GON4L: variants seen among roughly 807,000 people sequenced by gnomAD.
The protein encoded by GON4L is GON-4-like protein.
Under a neutral mutation model 211.8 loss-of-function variants are expected in GON4L, and 87 were observed. The observed-to-expected ratio is 0.41, with a 90% CI of 0.35 to 0.49. The LOEUF is 0.49. GON4L is among the 20% of genes least tolerant of loss of function. GON4L has a pLI of 0.15. For synonymous variants in GON4L, 875 were observed against 962.6 expected (o/e 0.91, Z 1.68); for missense variants, 2,155 against 2,659.5 (o/e 0.81, Z 4.17).
chr1:155,794,438 TTC>T lies in GON4L; in HGVS notation c.1747+610_1747+611del, dbSNP rs1330697182. Among the ~76,000 whole-genome samples the T allele has an allele frequency of 6.6e-5, 10 of 152,264 alleles. No individual in the cohort carries two copies. In the East Asian group the frequency reaches 1.9e-3, roughly 29 times the overall value. On this transcript the variant is annotated intron_variant, in intron 12 of 31. Coordinates refer to ENST00000368331, the MANE Select transcript of GON4L (RefSeq NM_001282860.2). ...AACACTACCTAATCTTATCTACCACTTCTCTGTCTTTTCACTCATACACCACC... is the reference window on the plus strand; with the variant it reads ...AACACTACCTAATCTTATCTACCACTTCTGTCTTTTCACTCATACACCACC...
intron 14 of GON4L, among the ~76,000 whole-genome samples, 172 bp downstream of exon 14, chr1:155,783,814 C>T (rs2101899727): frequency 6.6e-6 from 1 of 152,306 alleles, no homozygotes; most frequent in East Asian, 1.9e-4. Flanking sequence ...AGCTGCACTG[C>T]CCCATAACAA....
intron 6 of GON4L, among the ~76,000 whole-genome samples, chr1:155,818,857 G>A (rs567771031): frequency 2.8e-4 from 42 of 151,832 alleles, no homozygotes; most frequent in African/African-American, 9.7e-4. Context: ...AATTAGATGC[G>A]TGTGGTGGTG....
At chr1:155,808,868 T>C (rs1267383756) in intron 10 of GON4L, among the ~76,000 whole-genome samples, 1 of 152,092 alleles carries the variant, frequency 6.6e-6, no homozygotes, top group Non-Finnish European at 1.5e-5. Flanking sequence ...CTCCTTGGCC[T>C]CCTAAAGTGT....
At chr1:155,846,106 CT>C in intron 2 of GON4L, 2 of 229,620 alleles carry the variant, frequency 8.7e-6, no homozygotes, top group South Asian at 8.0e-5. Context: ...TTGTCAAGGC[CT>C]TTTACCTGAA....
downstream of GON4L, chr1:155,748,324 C>A (rs1660336550): frequency 2.8e-6 from 4 of 1,444,766 alleles, no homozygotes; most frequent in African/African-American, 5.6e-5. Flanking sequence ...CTGGGTCTCT[C>A]TGGTGTTAAC....
intron 12 of GON4L, among the ~76,000 whole-genome samples, chr1:155,787,145 C>G (rs908506094): frequency 6.6e-6 from 1 of 151,480 alleles, no homozygotes; most frequent in African/African-American, 2.4e-5. Context: ...CTCCTGACCT[C>G]GTGATCCACC....
At chr1:155,845,703 T>C (rs969137457) in intron 2 of GON4L, 4 of 302,080 alleles carry the variant, frequency 1.3e-5, no homozygotes, top group Non-Finnish European at 2.7e-5. Flanking sequence ...AATGAAATCA[T>C]GAAAAGATAC....
intron 1 of GON4L, among the ~76,000 whole-genome samples, chr1:155,855,838 C>T (rs938388813): frequency 2.0e-5 from 3 of 151,754 alleles, no homozygotes; most frequent in South Asian, 2.1e-4. Flanking sequence ...AAAAATTAGC[C>T]GGGCATGGTG....
intron 2 of GON4L, among the ~76,000 whole-genome samples, chr1:155,850,356 G>A (rs1436495766): frequency 1.3e-5 from 2 of 152,126 alleles, no homozygotes; most frequent in East Asian, 1.9e-4. Flanking sequence ...CGCTATTCCT[G>A]TCTACATTTC....
intron 2 of GON4L, 151 bp from the exon 3 acceptor site, chr1:155,827,179 T>C: frequency 1.5e-6 from 1 of 677,090 alleles, no homozygotes; most frequent in South Asian, 1.7e-5. Flanking sequence ...AAATCAAAGC[T>C]CAGATCCAAT....
intron 12 of GON4L, among the ~76,000 whole-genome samples, chr1:155,786,627 G>A (rs895755284): frequency 1.3e-5 from 2 of 152,202 alleles, no homozygotes; most frequent in African/African-American, 4.8e-5. Flanking sequence ...CGGTGACTTA[G>A]AAGACCCAGA....
At chr1:155,770,023 TAAAAAAAAA>T (rs59380170) in intron 19 of GON4L, among the ~76,000 whole-genome samples, 16 of 43,710 alleles carry the variant, frequency 3.7e-4, no homozygotes, top group Admixed American at 7.7e-4. Context: ...CTCCATTTCT[TAAAAAAAAA>T]AAAAAAAAAA....
At chr1:155,757,138 C>G (rs1661273471) in intron 26 of GON4L, 42 bp downstream of exon 26, 1 of 1,613,836 alleles carries the variant, frequency 6.2e-7, no homozygotes, top group Non-Finnish European at 8.5e-7. Flanking sequence ...CCACGTGTGG[C>G]CTTCCCCCTT....
At chr1:155,837,636 C>G (rs991110310) in intron 2 of GON4L, among the ~76,000 whole-genome samples, 3 of 152,054 alleles carry the variant, frequency 2.0e-5, no homozygotes, top group Non-Finnish European at 4.4e-5. Flanking sequence ...CTCTCTCCCC[C>G]ACCAGAGAAA....
intron 3 of GON4L, 38 bp from the exon 4 acceptor site, chr1:155,822,514 T>C (rs368094191): frequency 1.4e-5 from 21 of 1,509,126 alleles, no homozygotes; most frequent in African/African-American, 5.5e-5. Flanking sequence ...AATTCCAAAA[T>C]AGCTGCTCCA....
intron 12 of GON4L, among the ~76,000 whole-genome samples, chr1:155,792,068 G>C (rs1665648761): frequency 6.6e-6 from 1 of 152,080 alleles, no homozygotes; most frequent in South Asian, 2.1e-4. Flanking sequence ...TATTAATTGA[G>C]GAGGTGTTCA....
intron 10 of GON4L, among the ~76,000 whole-genome samples, chr1:155,805,522 T>A (rs1244297883): frequency 1.3e-5 from 2 of 152,094 alleles, no homozygotes; most frequent in Non-Finnish European, 2.9e-5. Context: ...TCGCTTCCCT[T>A]TCCCCCTCCT....
intron 7 of GON4L, 67 bp from the exon 8 acceptor site, chr1:155,815,967 AG>A: frequency 1.0e-6 from 1 of 1,003,664 alleles, no homozygotes; most frequent in East Asian, 2.4e-5. Context: ...TTGGAAAATA[AG>A]GGGAAGAAGC....
intron 14 of GON4L, among the ~76,000 whole-genome samples, chr1:155,779,550 C>A (rs1361209051): frequency 1.3e-5 from 2 of 152,052 alleles, no homozygotes; most frequent in African/African-American, 4.8e-5. Flanking sequence ...CTCTTGACCT[C>A]ATGATCCACC....
Sources: gnomAD v4.1 joint callset for allele counts (sites outside exome capture counted in the v4.1 genomes callset) on GRCh38, gnomAD v4.1.1 for gene constraint, MANE v1.5 for transcripts, NCBI Gene and HGNC (gene_info 2026-07-23, HGNC 2026-07-21) for gene names.